Variants in EEIG2 observed in about 807,000 individuals in gnomAD.
The protein encoded by EEIG2 is family with sequence similarity 102 member B.
chr1:108,609,863 C>T, the EEIG2 span, among the ~76,000 whole-genome samples: 1 of 151,198 alleles, frequency 6.6e-6, no homozygotes, highest in Non-Finnish European at 1.5e-5. Context: ...ATGTTGATCA[C>T]GTGGACACAG....
At chr1:108,634,862 T>C in the EEIG2 span, among the ~76,000 whole-genome samples, 1 of 152,224 alleles carries the variant, frequency 6.6e-6, no homozygotes, top group Non-Finnish European at 1.5e-5. Context: ...GGTCAAGAAT[T>C]GGGGAATTCT....
the EEIG2 span, among the ~76,000 whole-genome samples, chr1:108,622,036 A>G: frequency 7.9e-5 from 12 of 152,302 alleles, no homozygotes; most frequent in African/African-American, 2.9e-4. Context: ...GGGCACCTGT[A>G]ATCCAAGCTA....
At chr1:108,570,614 A>G in the EEIG2 span, among the ~76,000 whole-genome samples, 4 of 152,262 alleles carry the variant, frequency 2.6e-5, no homozygotes, top group African/African-American at 4.8e-5. Context: ...ATTTAAAAAC[A>G]TGAATTTTAA....
the EEIG2 span, chr1:108,628,546 A>G: frequency 6.2e-7 from 1 of 1,613,376 alleles, no homozygotes. Flanking sequence ...ATCTTGATAC[A>G]GCTGATAAAG....
chr1:108,623,262 C>G, the EEIG2 span, among the ~76,000 whole-genome samples: 1 of 152,148 alleles, frequency 6.6e-6, no homozygotes, highest in African/African-American at 2.4e-5. Context: ...TTGCTTGAAC[C>G]CAGGAGTTCG....
At chr1:108,638,816 C>A in the EEIG2 span, 1 of 152,138 alleles carries the variant, frequency 6.6e-6, no homozygotes, top group Non-Finnish European at 1.5e-5. Flanking sequence ...AGGCCTTATT[C>A]CCTTACACAT....
chr1:108,584,314 T>C, the EEIG2 span, among the ~76,000 whole-genome samples: 5 of 152,152 alleles, frequency 3.3e-5, no homozygotes, highest in African/African-American at 1.2e-4. Flanking sequence ...TGAGAGTCTG[T>C]ATGCTTTCTT....
At chr1:108,569,827 T>G in the EEIG2 span, among the ~76,000 whole-genome samples, 1 of 152,226 alleles carries the variant, frequency 6.6e-6, no homozygotes, top group Admixed American at 6.5e-5. Context: ...CAGCCATTCT[T>G]TAAGATCTAA....
chr1:108,593,235 C>T, the EEIG2 span, among the ~76,000 whole-genome samples: 2 of 152,270 alleles, frequency 1.3e-5, no homozygotes, highest in South Asian at 2.1e-4. Flanking sequence ...CTTAGAGACC[C>T]ACCTTCCTTC....
chr1:108,590,613 G>A, the EEIG2 span, among the ~76,000 whole-genome samples: 17 of 152,308 alleles, frequency 1.1e-4, no homozygotes, highest in Middle Eastern at 3.4e-3. Flanking sequence ...GGTTAGGAAC[G>A]TGTCCAGCGT....
At chr1:108,630,522 A>G in the EEIG2 span, among the ~76,000 whole-genome samples, 2 of 152,212 alleles carry the variant, frequency 1.3e-5, no homozygotes, top group Admixed American at 6.5e-5. Context: ...ACATGTAAAC[A>G]TATGTAACTA....
At chr1:108,616,178 G>C in the EEIG2 span, among the ~76,000 whole-genome samples, 75 of 150,448 alleles carry the variant, frequency 5.0e-4, no homozygotes, top group African/African-American at 1.7e-3. Context: ...TGCCTAGGCG[G>C]GAGTGCAGTG....
the EEIG2 span, chr1:108,627,954 TATA>T: frequency 1.1e-5 from 6 of 523,824 alleles, no homozygotes; most frequent in African/African-American, 9.5e-5. Flanking sequence ...TTATGAAAAA[TATA>T]ATTCTTCAGC....
the EEIG2 span, chr1:108,636,606 CA>C: frequency 6.6e-6 from 1 of 152,112 alleles, no homozygotes; most frequent in Non-Finnish European, 1.5e-5. Context: ...ACTATTCCAA[CA>C]AAGAGATTCT....
At chr1:108,576,582 T>G in the EEIG2 span, among the ~76,000 whole-genome samples, 4 of 141,792 alleles carry the variant, frequency 2.8e-5, no homozygotes, top group Non-Finnish European at 4.6e-5. Flanking sequence ...TTACTGAGAA[T>G]GATGGTTTCC....
the EEIG2 span, among the ~76,000 whole-genome samples, chr1:108,617,432 G>A: frequency 6.6e-6 from 1 of 152,190 alleles, no homozygotes; most frequent in Non-Finnish European, 1.5e-5. Flanking sequence ...AGATGAGAAA[G>A]ACAAGAGGAA....
chr1:108,611,125 C>T, the EEIG2 span, among the ~76,000 whole-genome samples: 3 of 152,138 alleles, frequency 2.0e-5, no homozygotes, highest in Non-Finnish European at 2.9e-5. Context: ...AAATAATGCT[C>T]CAGCCTGCAA....
chr1:108,600,005 A>G, the EEIG2 span, among the ~76,000 whole-genome samples: 2 of 152,224 alleles, frequency 1.3e-5, no homozygotes, highest in African/African-American at 4.8e-5. Flanking sequence ...CAAAATAAGT[A>G]AAGTGAAGAA....
chr1:108,584,061 A>T, the EEIG2 span, among the ~76,000 whole-genome samples: 1 of 152,180 alleles, frequency 6.6e-6, no homozygotes, highest in African/African-American at 2.4e-5. Context: ...TAGGAACAGA[A>T]ACCAGGTTTC....
Sources: gnomAD v4.1 joint callset for allele counts (sites outside exome capture counted in the v4.1 genomes callset) on GRCh38, gnomAD v4.1.1 for gene constraint, MANE v1.5 for transcripts, NCBI Gene and HGNC (gene_info 2026-07-23, HGNC 2026-07-21) for gene names.